Variants in OTUD7A observed in about 807,000 individuals in gnomAD.
The protein encoded by OTUD7A is OTU deubiquitinase 7A, also known as OTU domain-containing protein 7A.
A neutral mutation model predicts 65.7 loss-of-function variants in OTUD7A; 12 were observed. That is an observed-to-expected ratio of 0.18 (90% confidence interval 0.12 to 0.30). OTUD7A has a LOEUF of 0.30. Ranked by LOEUF, OTUD7A falls within the 10% of genes least tolerant of loss-of-function variation. The probability of loss-of-function intolerance (pLI) is 1.00; values close to 1 mark genes in which losing one functional copy is unlikely to be tolerated. For missense variants in OTUD7A, 1,148 were observed against 1,304.8 expected (o/e 0.88, Z 1.85); for synonymous variants, 641 against 586.3 (o/e 1.09, Z -1.35).
intron 10 of OTUD7A, among the ~76,000 whole-genome samples, chr15:31,493,593 A>C (rs1437033241): frequency 6.6e-6 from 1 of 152,268 alleles, no homozygotes; most frequent in East Asian, 1.9e-4. Context: ...ATACATATGG[A>C]ATATTCACCA....
rs141036945 is a variant in OTUD7A at position 31,690,638 on chromosome 15, G to A, written c.-99-33561C>T. ...CCACAAGGGTGCCACACATGGCCTC[G>A]CATAAATGGCCAAAGGTTTTCCACA... On this transcript the variant is annotated intron_variant, in intron 1 of 12. Coordinates refer to ENST00000307050, the MANE Select transcript of OTUD7A (RefSeq NM_001382637.1). 2.6e-4 allele frequency among the ~76,000 whole-genome samples: 39 copies of A among 152,278 alleles called. No individual in the cohort carries two copies. The East Asian group carries it at 6.2e-3, about 24-fold the overall frequency.
intron 3 of OTUD7A, among the ~76,000 whole-genome samples, chr15:31,647,657 C>T (rs1252450075): frequency 6.6e-6 from 1 of 152,090 alleles, no homozygotes; most frequent in Non-Finnish European, 1.5e-5. Context: ...GCACTAATGG[C>T]TAACACACTA....
intron 1 of OTUD7A, among the ~76,000 whole-genome samples, chr15:31,866,569 C>G (rs1897880330): frequency 6.6e-6 from 1 of 152,182 alleles, no homozygotes; most frequent in Non-Finnish European, 1.5e-5. Context: ...TATTCTTGGT[C>G]TCACACACAA....
intron 1 of OTUD7A, among the ~76,000 whole-genome samples, chr15:31,807,706 A>T (rs1426157013): frequency 2.6e-5 from 4 of 152,070 alleles, no homozygotes; most frequent in Admixed American, 6.6e-5. Context: ...AGCCCCCTGG[A>T]GCTGGTCTTC....
intron 3 of OTUD7A, among the ~76,000 whole-genome samples, chr15:31,583,189 C>G (rs937339779): frequency 6.6e-6 from 1 of 152,210 alleles, no homozygotes; most frequent in African/African-American, 2.4e-5. Context: ...AGGAGAGAAG[C>G]TTGCAGGACT....
chr15:31,698,098 TA>T (rs1305903129), intron 1 of OTUD7A, among the ~76,000 whole-genome samples: 7 of 152,270 alleles, frequency 4.6e-5, no homozygotes, highest in African/African-American at 1.4e-4. Context: ...GGATATTTTC[TA>T]TTTCAAAATC....
At chr15:31,560,231 G>A (rs905376483) in intron 4 of OTUD7A, among the ~76,000 whole-genome samples, 2 of 152,154 alleles carry the variant, frequency 1.3e-5, no homozygotes, top group South Asian at 2.1e-4. Context: ...CTAAAGTTAC[G>A]CTGATAAATG....
chr15:31,597,774 G>C (rs1018346101), intron 3 of OTUD7A, among the ~76,000 whole-genome samples: 1 of 151,794 alleles, frequency 6.6e-6, no homozygotes, highest in African/African-American at 2.4e-5. Flanking sequence ...TGGAGAAACT[G>C]AATGACTTCT....
rs115436047 is a variant in OTUD7A at position 31,765,880 on chromosome 15, G to A, written c.-100+104627C>T. ...TGATATATCAAAGGATATTCCTTCT[G>A]AAACTATTTTAGTTTTTTTCTTTTC... On this transcript the variant is annotated intron_variant, in intron 1 of 12. Transcript: ENST00000307050. 1.7e-4 allele frequency: 215 copies of A among 1,279,336 alleles called. No individual in the cohort carries two copies. In the African/African-American group the frequency reaches 1.9e-3, roughly 12 times the overall value. The allele number at this position is 1,279,336 out of a possible 1,614,324, so 79.2% of individuals were successfully genotyped here. A position where few individuals can be genotyped will look rare whatever the true frequency, so the allele number is the denominator to read the frequency against.
intron 3 of OTUD7A, among the ~76,000 whole-genome samples, chr15:31,635,789 C>T (rs148698295): frequency 5.3e-5 from 8 of 152,184 alleles, no homozygotes; most frequent in African/African-American, 1.9e-4. Flanking sequence ...TTCAGGCTGC[C>T]CAGTTTTTGT....
At chr15:31,598,817 A>C (rs1438033180) in intron 3 of OTUD7A, among the ~76,000 whole-genome samples, 1 of 152,118 alleles carries the variant, frequency 6.6e-6, no homozygotes, top group African/African-American at 2.4e-5. Context: ...TGAGCTTGGT[A>C]GGGGGAGGGG....
At chr15:31,751,151 A>C (rs1404048320) in intron 1 of OTUD7A, among the ~76,000 whole-genome samples, 1 of 152,216 alleles carries the variant, frequency 6.6e-6, no homozygotes, top group Non-Finnish European at 1.5e-5. Context: ...AATGGCAGAA[A>C]ATATTCACAA....
intron 1 of OTUD7A, among the ~76,000 whole-genome samples, chr15:31,777,335 C>T (rs1595762054): frequency 6.6e-6 from 1 of 152,192 alleles, no homozygotes; most frequent in East Asian, 1.9e-4. Flanking sequence ...TTGAGAGGGA[C>T]ATAAATATTC....
intron 3 of OTUD7A, among the ~76,000 whole-genome samples, chr15:31,610,200 A>G (rs993243813): frequency 6.6e-6 from 1 of 152,188 alleles, no homozygotes; most frequent in Non-Finnish European, 1.5e-5. Flanking sequence ...CAGTTAAAAG[A>G]GACATGGAGG....
At chr15:31,749,684 T>C (rs919665671) in intron 1 of OTUD7A, among the ~76,000 whole-genome samples, 3 of 152,010 alleles carry the variant, frequency 2.0e-5, no homozygotes, top group South Asian at 4.1e-4. Context: ...GTATTCAACA[T>C]AGTGCTGGAA....
intron 1 of OTUD7A, among the ~76,000 whole-genome samples, chr15:31,840,389 G>A (rs999082276): frequency 1.3e-5 from 2 of 152,014 alleles, no homozygotes; most frequent in Non-Finnish European, 1.5e-5. Context: ...ACTGAGCTGA[G>A]ATCGCACCAC....
At chr15:31,699,342 G>A (rs994282427) in intron 1 of OTUD7A, among the ~76,000 whole-genome samples, 2 of 152,164 alleles carry the variant, frequency 1.3e-5, no homozygotes, top group African/African-American at 2.4e-5. Flanking sequence ...GCCTCCCAAA[G>A]TGCTGGGATT....
intron 3 of OTUD7A, among the ~76,000 whole-genome samples, chr15:31,604,485 C>T (rs757506031): frequency 2.6e-5 from 4 of 152,112 alleles, no homozygotes; most frequent in Non-Finnish European, 5.9e-5. Context: ...AGGAGAAATA[C>T]CTAATGTAGA....
At chr15:31,657,682 C>T (rs6493848) in intron 1 of OTUD7A, among the ~76,000 whole-genome samples, 29,025 of 151,956 alleles carry the variant, frequency 0.19, 2,998 homozygotes, top group East Asian at 0.25. Context: ...TTTCTTAAAC[C>T]TCACACTGCC....
Sources: gnomAD v4.1 joint callset for allele counts (sites outside exome capture counted in the v4.1 genomes callset) on GRCh38, gnomAD v4.1.1 for gene constraint, MANE v1.5 for transcripts, NCBI Gene and HGNC (gene_info 2026-07-23, HGNC 2026-07-21) for gene names.